UQCC1: variants seen among roughly 807,000 people sequenced by gnomAD.
The protein encoded by UQCC1 is ubiquinol-cytochrome c reductase complex assembly factor 1.
UQCC1 carries 38 observed loss-of-function variants against 48.0 expected under a neutral mutation model. The ratio of observed to expected loss-of-function variants is 0.79; its 90% CI spans 0.61 to 1.04. The LOEUF (loss-of-function observed/expected upper bound fraction) is 1.04, where lower values mean the gene tolerates loss of function less well. UQCC1 is among the 50% of genes least tolerant of loss of function. UQCC1 has a pLI of 0.00. For synonymous variants in UQCC1, 111 were observed against 129.2 expected (o/e 0.86, Z 0.95); for missense variants, 368 against 381.8 (o/e 0.96, Z 0.30).
intron 2 of UQCC1, among the ~76,000 whole-genome samples, chr20:35,384,966 CAAAAAAAAAAAA>C (rs57141083): frequency 5.7e-5 from 4 of 69,762 alleles, no homozygotes; most frequent in African/African-American, 1.9e-4. Context: ...GAATCGGTCT[CAAAAAAAAAAAA>C]AAAAAAAAAA....
chr20:35,310,070 T>G (rs2060973199), intron 8 of UQCC1, among the ~76,000 whole-genome samples: 1 of 152,234 alleles, frequency 6.6e-6, no homozygotes, highest in African/African-American at 2.4e-5. Flanking sequence ...TCATTCCCCC[T>G]GTTGTTCTCT....
At chr20:35,339,282 A>G (rs1304349253) in intron 7 of UQCC1, among the ~76,000 whole-genome samples, 1 of 152,160 alleles carries the variant, frequency 6.6e-6, no homozygotes, top group Non-Finnish European at 1.5e-5. Flanking sequence ...CAGAAATCCA[A>G]GAATCCTTAT....
chr20:35,346,989 G>A (rs2061438102), intron 7 of UQCC1, 175 bp downstream of exon 7: 2 of 1,544,132 alleles, frequency 1.3e-6, no homozygotes, highest in African/African-American at 1.4e-5. Flanking sequence ...TAAAGTATCT[G>A]TGGAGTATTA....
At chr20:35,314,820 A>G in intron 7 of UQCC1, 55 bp from the exon 8 acceptor site, 1 of 1,449,454 alleles carries the variant, frequency 6.9e-7, no homozygotes, top group East Asian at 2.3e-5. Flanking sequence ...AAAAAAACCC[A>G]AAAAGTATGA....
At chr20:35,389,140 A>T (rs2061983459) in intron 2 of UQCC1, among the ~76,000 whole-genome samples, 1 of 152,166 alleles carries the variant, frequency 6.6e-6, no homozygotes, top group African/African-American at 2.4e-5. Context: ...GGGCCAGGGC[A>T]AAGAAAATAC....
intron 4 of UQCC1, among the ~76,000 whole-genome samples, chr20:35,377,686 T>A (rs1160804032): frequency 6.6e-6 from 1 of 152,252 alleles, no homozygotes; most frequent in Non-Finnish European, 1.5e-5. Context: ...TTGATTTTTT[T>A]AAATCTTGTA....
chr20:35,396,444 G>A (rs1236115739), intron 1 of UQCC1, among the ~76,000 whole-genome samples: 4 of 151,960 alleles, frequency 2.6e-5, no homozygotes, highest in South Asian at 4.2e-4. Flanking sequence ...AAGTAGCTGG[G>A]ACTAAAGGCT....
chr20:35,341,513 T>A (rs978459392), intron 7 of UQCC1, among the ~76,000 whole-genome samples: 1 of 152,200 alleles, frequency 6.6e-6, no homozygotes, highest in African/African-American at 2.4e-5. Flanking sequence ...CTTCAGATAG[T>A]TACTGGGCAC....
chr20:35,329,092 T>A (rs942269554), intron 7 of UQCC1, among the ~76,000 whole-genome samples: 18 of 152,236 alleles, frequency 1.2e-4, no homozygotes, highest in Admixed American at 1.2e-3. Context: ...ACATTCAATA[T>A]TGCCTTCATC....
rs141640355 is a variant in UQCC1, at chr20:35,355,807, ATG to A, written c.465-8537_465-8536del. On this transcript the variant is annotated intron_variant, in intron 6 of 9. Coordinates refer to ENST00000374385, the MANE Select transcript of UQCC1 (RefSeq NM_018244.5). ...ATATAACCTATACACACACAAGTTT[ATG>A]TATGTGTGTATTCTTTTTACATAAA... 6.6e-3 allele frequency among the ~76,000 whole-genome samples: 1,010 copies of A among 151,888 alleles called. 15 individuals carry two copies. The highest frequency in any genetic ancestry group is 0.023 in the African/African-American group (965 of 41,394).
intron 7 of UQCC1, among the ~76,000 whole-genome samples, chr20:35,338,826 C>T (rs1238588333): frequency 2.1e-4 from 26 of 122,784 alleles, no homozygotes; most frequent in African/African-American, 7.9e-4. Context: ...AACTCCAGAC[C>T]GGGCGAGAAA....
intron 6 of UQCC1, among the ~76,000 whole-genome samples, chr20:35,353,953 T>G (rs1192319480): frequency 2.6e-5 from 4 of 152,210 alleles, no homozygotes; most frequent in Admixed American, 2.0e-4. Flanking sequence ...ATATTGCATT[T>G]TTACTGTACT....
At chr20:35,386,422 G>A (rs772649963) in intron 2 of UQCC1, 1 of 442,910 alleles carries the variant, frequency 2.3e-6, no homozygotes. Context: ...TCTAATTGTG[G>A]AATGTTACTA....
intron 8 of UQCC1, among the ~76,000 whole-genome samples, chr20:35,313,574 A>G (rs2061019375): frequency 6.6e-6 from 1 of 152,038 alleles, no homozygotes; most frequent in Non-Finnish European, 1.5e-5. Context: ...AATAAACTAG[A>G]AATTAAGTTT....
chr20:35,399,606 A>G (rs1055794596), intron 1 of UQCC1, among the ~76,000 whole-genome samples: 1 of 152,122 alleles, frequency 6.6e-6, no homozygotes, highest in African/African-American at 2.4e-5. Flanking sequence ...CTGTAATCCC[A>G]GCACTTTGGG....
At chr20:35,335,213 C>T (rs903370455) in intron 7 of UQCC1, among the ~76,000 whole-genome samples, 21 of 152,132 alleles carry the variant, frequency 1.4e-4, no homozygotes, top group Admixed American at 6.5e-4. Context: ...AAAAAGTTTA[C>T]ATAGTGTCAC....
chr20:35,407,644 G>A (rs1036198687), intron 1 of UQCC1, among the ~76,000 whole-genome samples: 5 of 152,128 alleles, frequency 3.3e-5, no homozygotes, highest in African/African-American at 9.7e-5. Flanking sequence ...CTTGCACTTC[G>A]GGAGGCCAAG....
chr20:35,334,309 G>A (rs894664951), intron 7 of UQCC1, among the ~76,000 whole-genome samples: 4 of 152,198 alleles, frequency 2.6e-5, no homozygotes, highest in Admixed American at 6.5e-5. Context: ...GTGTGGATGA[G>A]TCTGTAAATA....
Position 35,304,086 on chromosome 20 carries a change from G to A in UQCC1, c.766-17C>T, listed in dbSNP as rs376785925. On this transcript the variant is annotated splice_polypyrimidine_tract_variant and intron_variant, in intron 9 of 9. Transcript: ENST00000374385. ...GTACTGTATCTGCAACCAGGGGAGGGGGAAGGAGGAAGCGACAGAGGCAGG... is the reference window on the plus strand; with the variant it reads ...GTACTGTATCTGCAACCAGGGGAGGAGGAAGGAGGAAGCGACAGAGGCAGG... 14 of 1,613,784 alleles carry A rather than the reference G, an allele frequency of 8.7e-6. No individual in the cohort carries two copies. The highest frequency in any genetic ancestry group is 4.0e-5 in the African/African-American group (3 of 74,904).
Sources: allele counts gnomAD v4.1 joint callset (sites outside exome capture counted in the v4.1 genomes callset), GRCh38; gene constraint gnomAD v4.1.1; transcripts MANE v1.5; gene names NCBI Gene and HGNC (gene_info 2026-07-23, HGNC 2026-07-21).